Variants in ARFGEF1 observed in about 807,000 individuals in gnomAD.
ARFGEF1 encodes the protein brefeldin A-inhibited guanine nucleotide-exchange protein 1.
ARFGEF1 carries 42 observed loss-of-function variants against 231.0 expected under a neutral mutation model. The ratio of observed to expected loss-of-function variants is 0.18; its 90% CI spans 0.14 to 0.24. ARFGEF1 has a LOEUF of 0.24. Among genes scored for constraint, ARFGEF1 ranks in the 10% least tolerant of loss-of-function variants. The probability of loss-of-function intolerance (pLI) is 1.00; values close to 1 mark genes in which losing one functional copy is unlikely to be tolerated. For missense variants in ARFGEF1, 1,345 were observed against 2,192.0 expected (o/e 0.61, Z 7.72); for synonymous variants, 710 against 732.3 (o/e 0.97, Z 0.49).
chr8:67,302,319 A>C lies in ARFGEF1; in HGVS notation c.155+117T>G, dbSNP rs553860067. The C allele has an allele frequency of 3.6e-3, 1,973 of 545,790 alleles. 6 individuals carry two copies. Among genetic ancestry groups the C allele is most frequent in the Non-Finnish European group, 4.6e-3 (1,510 of 330,708 alleles). The allele number at this position is 545,790 out of a possible 1,614,324, so 33.8% of individuals were successfully genotyped here. On this transcript the variant is annotated intron_variant, in intron 2 of 38. Coordinates refer to ENST00000262215, the MANE Select transcript of ARFGEF1 (RefSeq NM_006421.5). Reference sequence around the variant, plus strand: ...AAAACCTATTTTTAAAGTTGATTTTACTATAAAACTCACATGCAGAGAATT... The same window carrying C: ...AAAACCTATTTTTAAAGTTGATTTTCCTATAAAACTCACATGCAGAGAATT...
intron 36 of ARFGEF1, 159 bp from the exon 37 acceptor site, chr8:67,201,764 C>T: frequency 1.1e-6 from 1 of 924,440 alleles, no homozygotes; most frequent in Non-Finnish European, 1.6e-6. Context: ...ATTTCCATGT[C>T]CAGAATTCCC....
intron 1 of ARFGEF1, among the ~76,000 whole-genome samples, chr8:67,328,349 T>G (rs1441404401): frequency 6.6e-6 from 1 of 152,236 alleles, no homozygotes; most frequent in Non-Finnish European, 1.5e-5. Flanking sequence ...ATCTTTAATA[T>G]TAAAAAATAT....
At chr8:67,209,822 G>A (rs1010988806) in intron 34 of ARFGEF1, among the ~76,000 whole-genome samples, 2 of 152,066 alleles carry the variant, frequency 1.3e-5, no homozygotes, top group Admixed American at 1.3e-4. Flanking sequence ...GACTAAGGTT[G>A]GGGTGCAGTG....
chr8:67,181,933 T>G (rs1290962135), intron 5 of ARFGEF1, among the ~76,000 whole-genome samples: 1 of 152,222 alleles, frequency 6.6e-6, no homozygotes, highest in African/African-American at 2.4e-5. Context: ...TATCTATCCT[T>G]TGATGACTGG....
chr8:67,312,011 T>C (rs931011063), intron 1 of ARFGEF1, among the ~76,000 whole-genome samples: 2 of 152,144 alleles, frequency 1.3e-5, no homozygotes, highest in Non-Finnish European at 2.9e-5. Context: ...GTGCAAGATG[T>C]GCTTTGTTAA....
chr8:67,269,774 A>G (rs149301590), intron 10 of ARFGEF1, among the ~76,000 whole-genome samples: 2,157 of 152,274 alleles, frequency 0.014, 23 homozygotes, highest in Middle Eastern at 0.048. Context: ...AATTTTTAAA[A>G]ATTAGAATAT....
chr8:67,258,423 C>T (rs1421805865), intron 15 of ARFGEF1, 133 bp from the exon 16 acceptor site: 2 of 615,766 alleles, frequency 3.2e-6, no homozygotes, highest in African/African-American at 3.7e-5. Context: ...CCCCCAGGTT[C>T]AAGCGATTCT....
At chr8:67,257,294 T>C (rs1323663160) in intron 17 of ARFGEF1, among the ~76,000 whole-genome samples, 1 of 152,158 alleles carries the variant, frequency 6.6e-6, no homozygotes, top group East Asian at 1.9e-4. Context: ...TTGCCCAGGC[T>C]GGTCTTAACT....
At position 67,307,174 on chromosome 8, in the gene ARFGEF1, C is replaced by T. The variant is rs149354657; in HGVS notation, c.125-4708G>A. ...ACTCTGGGAGTCTATATATCAATTA[C>T]CATAATGCCGCTAGTATTCAAAAAT... On this transcript the variant is annotated intron_variant, in intron 1 of 38. Transcript: ENST00000262215. 1.1e-3 allele frequency among the ~76,000 whole-genome samples: 169 copies of T among 152,332 alleles called. 3 individuals are homozygous for T. In the South Asian group the frequency reaches 0.017, roughly 15 times the overall value.
intron 19 of ARFGEF1, among the ~76,000 whole-genome samples, chr8:67,245,913 A>C (rs768475649): frequency 1.5e-4 from 22 of 150,632 alleles, no homozygotes; most frequent in Non-Finnish European, 3.1e-4. Flanking sequence ...AAGATATTCC[A>C]TGCAAATGGA....
At chr8:67,185,538 AG>A (rs1482916954) in intron 5 of ARFGEF1, among the ~76,000 whole-genome samples, 1 of 152,186 alleles carries the variant, frequency 6.6e-6, no homozygotes, top group Non-Finnish European at 1.5e-5. Flanking sequence ...TAACATCACC[AG>A]TGGTCTGTCG....
At chr8:67,339,303 T>C (rs1245141206) in intron 1 of ARFGEF1, among the ~76,000 whole-genome samples, 1 of 152,158 alleles carries the variant, frequency 6.6e-6, no homozygotes, top group Non-Finnish European at 1.5e-5. Context: ...TAAAACCTTC[T>C]TCTGGTCAGC....
rs933244495 is a variant in ARFGEF1 at position 67,343,609 on chromosome 8, G to A, written c.-322C>T. 44 of 1,050,406 alleles carry A rather than the reference G, an allele frequency of 4.2e-5. No individual in the cohort carries two copies. The highest frequency in any genetic ancestry group is 4.9e-5 in the Non-Finnish European group (43 of 872,652). The allele number at this position is 1,050,406 out of a possible 1,614,324, so 65.1% of individuals were successfully genotyped here. On this transcript the variant is annotated 5_prime_UTR_variant, in exon 1 of 39. Transcript: ENST00000262215. ...CCCTCCGGCCCTGGTGGCGGTGAGG[G>A]AGCCCGGCCCGGGCGGCTGTCTGCC...
At chr8:67,235,355 T>C (rs1283373878) in intron 22 of ARFGEF1, among the ~76,000 whole-genome samples, 2 of 152,052 alleles carry the variant, frequency 1.3e-5, no homozygotes, top group African/African-American at 2.4e-5. Flanking sequence ...GATGAAATAC[T>C]AATTCAACCT....
intron 14 of ARFGEF1, among the ~76,000 whole-genome samples, chr8:67,264,160 T>C (rs1013807327): frequency 1.3e-5 from 2 of 152,122 alleles, no homozygotes; most frequent in Admixed American, 1.3e-4. Flanking sequence ...CAAGAAAGGT[T>C]ACTCTAGTTA....
At chr8:67,283,554 A>G (rs1471956717) in intron 7 of ARFGEF1, among the ~76,000 whole-genome samples, 1 of 152,142 alleles carries the variant, frequency 6.6e-6, no homozygotes, top group Non-Finnish European at 1.5e-5. Context: ...AAAACACACC[A>G]TAATAAGATC....
At chr8:67,291,734 T>C in intron 6 of ARFGEF1, 113 bp downstream of exon 6, 13 of 1,367,208 alleles carry the variant, frequency 9.5e-6, no homozygotes, top group Non-Finnish European at 1.3e-5. Flanking sequence ...TACCACAATG[T>C]GTCTGACACA....
intron 17 of ARFGEF1, among the ~76,000 whole-genome samples, chr8:67,257,240 C>A (rs939546445): frequency 6.6e-6 from 1 of 152,092 alleles, no homozygotes; most frequent in Non-Finnish European, 1.5e-5. Flanking sequence ...GCCACCATGC[C>A]CAGCTAATTT....
chr8:67,265,533 T>C (rs1234356214), intron 14 of ARFGEF1, among the ~76,000 whole-genome samples: 1 of 152,128 alleles, frequency 6.6e-6, no homozygotes, highest in African/African-American at 2.4e-5. Flanking sequence ...TAGGATCCGG[T>C]ACACTAGCCA....
Sources: allele counts gnomAD v4.1 joint callset (sites outside exome capture counted in the v4.1 genomes callset), GRCh38; gene constraint gnomAD v4.1.1; transcripts MANE v1.5; gene names NCBI Gene and HGNC (gene_info 2026-07-23, HGNC 2026-07-21).